SYNE1: variants seen among roughly 807,000 people sequenced by gnomAD.
SYNE1 encodes nesprin-1.
SYNE1 carries 616 observed loss-of-function variants against 1,111.0 expected under a neutral mutation model. The ratio of observed to expected loss-of-function variants is 0.55; its 90% CI spans 0.52 to 0.59. The LOEUF is 0.59. Among genes scored for constraint, SYNE1 ranks in the 20% least tolerant of loss-of-function variants. The probability of loss-of-function intolerance (pLI) is 0.00; values close to 1 mark genes in which losing one functional copy is unlikely to be tolerated. For missense variants in SYNE1, 10,006 were observed against 10,417.0 expected, an observed-to-expected ratio of 0.96 and a Z score of 1.72; for synonymous variants, 3,855 against 3,825.8, an observed-to-expected ratio of 1.01 and a Z score of -0.28.
At chr6:152,232,563 T>C (rs2083024233) in intron 112 of SYNE1, among the ~76,000 whole-genome samples, 1 of 152,232 alleles carries the variant, frequency 6.6e-6, no homozygotes, top group Admixed American at 6.5e-5. Flanking sequence ...TAACTAGTTT[T>C]ATGAGTCTAA....
At chr6:152,222,368 T>C (rs1342751629) in intron 117 of SYNE1, among the ~76,000 whole-genome samples, 1 of 152,206 alleles carries the variant, frequency 6.6e-6, no homozygotes, top group Non-Finnish European at 1.5e-5. Context: ...TGCCAAACTG[T>C]GGATCTCTTT....
chr6:152,383,913 T>C (rs2097474987), intron 55 of SYNE1, among the ~76,000 whole-genome samples: 1 of 152,150 alleles, frequency 6.6e-6, no homozygotes, highest in Non-Finnish European at 1.5e-5. Flanking sequence ...CATGCAATTA[T>C]TTTCCTCAGG....
chr6:152,127,435 T>A (rs1200606594), intron 145 of SYNE1: 1 of 152,208 alleles, frequency 6.6e-6, no homozygotes, highest in Non-Finnish European at 1.5e-5. Flanking sequence ...TAAATGAATG[T>A]CAGCAGCTTA....
chr6:152,455,552 C>T lies in SYNE1; in HGVS notation c.2766G>A (p.Val922=), dbSNP rs1344845588. 1.9e-6 allele frequency: 3 copies of T among 1,614,152 alleles called. No individual in the cohort carries two copies. The highest frequency in any genetic ancestry group is 2.5e-6 in the Non-Finnish European group (3 of 1,180,008). Residue 922 remains valine (V), a synonymous_variant, in exon 24 of 146, where the codon GTG becomes GTA. Transcript: ENST00000367255. The part of the protein sequence containing the change: ...VKKTGDWKKH[V]ETNSRLMKKF... ...TCTTCATCAAGCGACTGTTGGTTTC[C>T]ACATGCTTCTTCCAATCTCCAGTTT...
chr6:152,481,363 G>A (rs918835508), intron 14 of SYNE1, among the ~76,000 whole-genome samples: 21 of 151,972 alleles, frequency 1.4e-4, no homozygotes, highest in Non-Finnish European at 2.4e-4. Context: ...CTGAATTAAC[G>A]TATTTAATTC....
rs143374810 is a variant in SYNE1 at position 152,236,040 on chromosome 6, C to T, written c.20396+67G>A. Reference sequence around the variant, plus strand: ...TATAGGTTTGAGCCATCATCCCCCACCCGCACTAGCCTTATTAATACAATG... The same window carrying T: ...TATAGGTTTGAGCCATCATCCCCCATCCGCACTAGCCTTATTAATACAATG... On this transcript the variant is annotated intron_variant, in intron 110 of 145. Transcript: ENST00000367255. 2.1e-3 allele frequency: 3,221 copies of T among 1,538,626 alleles called. 6 individuals carry two copies. The highest frequency in any genetic ancestry group is 2.5e-3 in the Middle Eastern group (14 of 5,664).
At position 152,416,922 on chromosome 6, in the gene SYNE1, G is replaced by T; in HGVS notation, c.5515C>A (p.Leu1839Ile). 1 of 1,614,134 alleles carries T rather than the reference G, an allele frequency of 6.2e-7. No individual in the cohort carries two copies. Among genetic ancestry groups the T allele is most frequent in the Non-Finnish European group, 8.5e-7 (1 of 1,179,998 alleles). ...TCAGCCTTTCCCTGCAGGAGGTGGA[G>T]GTCCTCAGCACGGCCCAGAGAACCC... ...KLGSLGRAED[L>I]HLLQGKAEDC... is the part of the protein sequence containing the mutation. The change falls in exon 41 of 146, where the codon CTC becomes ATC. Residue 1839 changes from leucine to isoleucine, a missense_variant. Transcript: ENST00000367255.
chr6:152,336,862 C>A lies in SYNE1; in HGVS notation c.12507G>T (p.Gln4169His). The stretch of plus-strand genomic sequence containing the variant: ...CCACCTTAACTTGTGAAACCATGTT[C>A]TGTGCAATGTTCAGCTCCAGCTCAG... Reference protein sequence around the residue: ...RHSELELNIAQNMVSQVKDFV... With the variant: ...RHSELELNIAHNMVSQVKDFV... The change falls in exon 76 of 146, where the codon CAG (glutamine) becomes CAT (histidine). Residue 4169 changes from glutamine (Q) to histidine (H), a missense_variant. Transcript: ENST00000367255. 2 of 1,613,874 alleles carry A rather than the reference C, an allele frequency of 1.2e-6. No homozygotes were observed. The highest frequency in any genetic ancestry group is 2.2e-5 in the South Asian group (2 of 91,084).
rs1275903112 is a variant in SYNE1 at position 152,242,373 on chromosome 6, A to G, written c.19760T>C (p.Leu6587Pro). The G allele has an allele frequency of 6.2e-7, 1 of 1,613,962 alleles. No individual in the cohort carries two copies. Among genetic ancestry groups the G allele is most frequent in the East Asian group, 2.2e-5 (1 of 44,848 alleles). The change falls in exon 107 of 146, where the codon CTC (leucine) becomes CCC (proline). Residue 6587 changes from leucine (L) to proline (P), a missense_variant. Around this residue, in one of 7 missense-constraint regions of SYNE1, gnomAD observed 2,182 missense variants for 2,287.8 expected, o/e 0.95. Transcript: ENST00000367255. ...RRSGLNQNLT[L>P]KSQYERALQD... The stretch of plus-strand genomic sequence containing the variant: ...TAGGGCCCTCTCATACTGACTCTTG[A>G]GTGTAAGGTTCTGATTCAGACCACT...
chr6:152,547,256 G>A (rs958949262), intron 3 of SYNE1, among the ~76,000 whole-genome samples: 14 of 152,322 alleles, frequency 9.2e-5, no homozygotes, highest in African/African-American at 3.4e-4. Context: ...CCAGGAGTGT[G>A]GTGTTGCTCT....
At chr6:152,321,571 C>A in intron 83 of SYNE1, 150 bp downstream of exon 83, 1 of 1,237,084 alleles carries the variant, frequency 8.1e-7, no homozygotes, top group South Asian at 1.4e-5. Context: ...AAGGAAAATC[C>A]CATGAAGTAA....
In SYNE1 at chr6:152,239,566, G is replaced by C; in HGVS notation, c.20034C>G (p.His6678Gln). The change falls in exon 108 of 146, where the codon CAC (histidine) becomes CAG (glutamine). Residue 6678 changes from histidine to glutamine, a missense_variant. Transcript: ENST00000367255. ...TGTACTCCAGCTCCACACCCCTCTT[G>C]TGAGCCCGTTTCAGTACAGCAGAAG... Reference protein sequence around the residue: ...AQASAVLKRAHKRGVELEYIL... With the variant: ...AQASAVLKRAQKRGVELEYIL... The C allele has an allele frequency of 6.2e-7, 1 of 1,614,172 alleles. No homozygotes were observed. The highest frequency in any genetic ancestry group is 8.5e-7 in the Non-Finnish European group (1 of 1,180,046).
intron 75 of SYNE1, among the ~76,000 whole-genome samples, chr6:152,337,328 T>C (rs1241297806): frequency 6.6e-6 from 1 of 151,922 alleles, no homozygotes; most frequent in African/African-American, 2.4e-5. Context: ...TCGCTCTTGT[T>C]GCCCAGGCTG....
At chr6:152,250,196 T>G (rs1431839079) in intron 104 of SYNE1, among the ~76,000 whole-genome samples, 3 of 151,882 alleles carry the variant, frequency 2.0e-5, no homozygotes, top group South Asian at 2.1e-4. Context: ...TTCAGGAGTT[T>G]GAGGTTGAAG....
chr6:152,291,229 A>G (rs2094590854), intron 95 of SYNE1, among the ~76,000 whole-genome samples: 2 of 107,246 alleles, frequency 1.9e-5, no homozygotes, highest in Non-Finnish European at 3.7e-5. Context: ...AATATGATAT[A>G]TTAATATATG....
chr6:152,145,433 G>A lies in SYNE1; in HGVS notation c.24977-1668C>T, dbSNP rs369828129. ...AGAGACAGCAGATGTGCTAAGAGAG[G>A]AGGATTGCTATACAGGGGAGGGAGG... On this transcript the variant is annotated intron_variant, in intron 137 of 145. Coordinates refer to ENST00000367255, the MANE Select transcript of SYNE1 (RefSeq NM_182961.4). The A allele has an allele frequency of 5.9e-6, 9 of 1,521,334 alleles. No homozygotes were observed. The South Asian group carries it at 1.0e-4, about 17-fold the overall frequency. The allele number at this position is 1,521,334 out of a possible 1,614,324, so 94.2% of individuals were successfully genotyped here. A position where few individuals can be genotyped will look rare whatever the true frequency, so the allele number is the denominator to read the frequency against.
chr6:152,225,652 C>T, intron 116 of SYNE1, 69 bp downstream of exon 116: 1 of 1,604,094 alleles, frequency 6.2e-7, no homozygotes, highest in South Asian at 1.1e-5. Context: ...TTTAGGAAAA[C>T]CAAAACCCAG....
chr6:152,393,402 T>C (rs147226715), intron 51 of SYNE1, among the ~76,000 whole-genome samples: 3,259 of 151,948 alleles, frequency 0.021, 38 homozygotes, highest in Middle Eastern at 0.034. Context: ...TAGACACGAG[T>C]CAACATTTAA....
Position 152,471,622 on chromosome 6 carries a change from A to G in SYNE1, c.1607T>C (p.Val536Ala). 1 of 1,613,974 alleles carries G rather than the reference A, an allele frequency of 6.2e-7. No individual in the cohort carries two copies. Among genetic ancestry groups the G allele is most frequent in the Non-Finnish European group, 8.5e-7 (1 of 1,179,872 alleles). The change falls in exon 16 of 146, where the codon GTG (valine) becomes GCG (alanine). Residue 536 changes from valine (V) to alanine (A), a missense_variant. Val to Ala is a moderately conservative substitution (Grantham distance 64, BLOSUM62 0). Coordinates refer to ENST00000367255, the MANE Select transcript of SYNE1 (RefSeq NM_182961.4). ...WIIKYGRRES[V>A]EQLLQNYVSF... The stretch of plus-strand genomic sequence containing the variant: ...CACGTAGTTTTGTAGAAGCTGCTCC[A>G]CTGACTCTCTCCTCCCGTACTTAAT...
Sources: allele counts gnomAD v4.1 joint callset (sites outside exome capture counted in the v4.1 genomes callset), GRCh38; gene constraint gnomAD v4.1.1; regional missense constraint gnomAD v4.1.1; transcripts MANE v1.5; gene names NCBI Gene and HGNC (gene_info 2026-07-23, HGNC 2026-07-21).